FAM186B: variants seen among roughly 807,000 people sequenced by gnomAD.
The protein encoded by FAM186B is protein FAM186B.
A neutral mutation model predicts 83.4 loss-of-function variants in FAM186B; 68 were observed. The ratio of observed to expected loss-of-function variants is 0.81; its 90% CI spans 0.67 to 1.00. The LOEUF is 1.00. FAM186B is among the 50% of genes least tolerant of loss of function. FAM186B has a pLI of 0.00. For synonymous variants in FAM186B, 389 were observed against 422.0 expected (o/e 0.92, Z 0.96); for missense variants, 983 against 1,099.2 (o/e 0.89, Z 1.49).
chr12:49,609,739 C>G (rs1322835341), upstream of FAM186B, among the ~76,000 whole-genome samples: 1 of 152,186 alleles, frequency 6.6e-6, no homozygotes, highest in Non-Finnish European at 1.5e-5. Context: ...ACTAGCAACA[C>G]CTCTGGGCAC....
chr12:49,599,530 C>A lies in FAM186B; in HGVS notation c.2110G>T (p.Ala704Ser). The A allele has an allele frequency of 6.2e-7, 1 of 1,600,406 alleles. No homozygotes were observed. Among genetic ancestry groups the A allele is most frequent in the Non-Finnish European group, 8.5e-7 (1 of 1,174,472 alleles). The stretch of plus-strand genomic sequence containing the variant: ...TGGCACAGGTACTGCAGCCTGAGCG[C>A]GCCCAGCTCCATGGTGGTGGTGGTG... ...ELTTTTMELG[A>S]LRLQYLCHKY... Residue 704 changes from alanine (A) to serine (S), a missense_variant, in exon 4 of 7, where the codon GCG becomes TCG. By Grantham distance (99) the Ala-to-Ser change is moderately conservative. Transcript: ENST00000257894.
chr12:49,597,999 G>A (rs1262743783), intron 5 of FAM186B, among the ~76,000 whole-genome samples: 1 of 152,232 alleles, frequency 6.6e-6, no homozygotes, highest in East Asian at 1.9e-4. Context: ...GGTGGAGGTT[G>A]TAGTGAGCCA....
At chr12:49,618,200 C>T in the FAM186B span, among the ~76,000 whole-genome samples, 1 of 152,082 alleles carries the variant, frequency 6.6e-6, no homozygotes, top group African/African-American at 2.4e-5. Context: ...CAAAAATTAG[C>T]CGGGCGTGTT....
At chr12:49,612,972 C>T in the FAM186B span, among the ~76,000 whole-genome samples, 3 of 152,150 alleles carry the variant, frequency 2.0e-5, no homozygotes, top group African/African-American at 7.2e-5. Context: ...CAAGATCAAC[C>T]ACATGCTTGG....
chr12:49,585,720 G>T (rs1337059321), downstream of FAM186B, among the ~76,000 whole-genome samples: 1 of 152,216 alleles, frequency 6.6e-6, no homozygotes, highest in Non-Finnish European at 1.5e-5. Context: ...GCATGGCCAG[G>T]GGAGCCGGTG....
intron 5 of FAM186B, 107 bp downstream of exon 5, chr12:49,598,648 C>T: frequency 1.0e-6 from 1 of 987,926 alleles, no homozygotes; most frequent in Non-Finnish European, 1.5e-6. Flanking sequence ...TGCCCCTGGT[C>T]CCGCAGTCTC....
chr12:49,610,059 C>T (rs1940068697), upstream of FAM186B, among the ~76,000 whole-genome samples: 2 of 151,296 alleles, frequency 1.3e-5, no homozygotes, highest in South Asian at 4.2e-4. Flanking sequence ...GTATACAAGG[C>T]TATAGAAGCA....
At position 49,600,158 on chromosome 12, in the gene FAM186B, C is replaced by T. The variant is rs370586607; in HGVS notation, c.1482G>A (p.Leu494=). 7 of 1,613,748 alleles carry T rather than the reference C, an allele frequency of 4.3e-6. No individual in the cohort carries two copies. Among genetic ancestry groups the T allele is most frequent in the African/African-American group, 4.0e-5 (3 of 74,932 alleles). Residue 494 remains leucine (L), a synonymous_variant, in exon 4 of 7, where the codon CTG becomes CTA. Coordinates refer to ENST00000257894, the MANE Select transcript of FAM186B (RefSeq NM_032130.3). The surrounding 1 kb of genome is among the most constrained non-coding windows in gnomAD (Gnocchi z 4.3). The part of the protein sequence containing the change: ...FGREMRRQLW[L]EEEEMWQQRQ... Reference sequence around the variant, plus strand: ...GCTGCTGCCACATCTCCTCCTCCTCCAGCCACAGCTGCCTCCGCATCTCCC... The same window carrying T: ...GCTGCTGCCACATCTCCTCCTCCTCTAGCCACAGCTGCCTCCGCATCTCCC...
chr12:49,609,144 G>C (rs372533272), upstream of FAM186B, among the ~76,000 whole-genome samples: 2 of 152,146 alleles, frequency 1.3e-5, no homozygotes, highest in Admixed American at 6.5e-5. Flanking sequence ...GGTGGGAAAG[G>C]GACTGCTACA....
At chr12:49,584,706 G>A (rs1250583808), downstream of FAM186B, 2 of 690,604 alleles carry the variant, frequency 2.9e-6, no homozygotes, top group African/African-American at 3.5e-5. Flanking sequence ...ACTTCCCAGA[G>A]CCAAGTCCAG....
chr12:49,613,977 C>T, the FAM186B span, among the ~76,000 whole-genome samples: 6 of 151,818 alleles, frequency 4.0e-5, no homozygotes, highest in Admixed American at 2.6e-4. Flanking sequence ...GGTGAAACCC[C>T]GTCTCTACTA....
chr12:49,591,283 C>T (rs1939575446), intron 5 of FAM186B, among the ~76,000 whole-genome samples: 1 of 152,120 alleles, frequency 6.6e-6, no homozygotes. Context: ...CAGAGGGGTC[C>T]CGTTAAGTCT....
chr12:49,583,016 C>T (rs1455971988), downstream of FAM186B: 2 of 456,070 alleles, frequency 4.4e-6, no homozygotes, highest in Admixed American at 4.7e-5. Flanking sequence ...TGCATGCTTG[C>T]CAGAGAGCTC....
At chr12:49,605,715 T>G (rs1592558123), upstream of FAM186B, 1 of 432,910 alleles carries the variant, frequency 2.3e-6, no homozygotes, top group Non-Finnish European at 4.1e-6. Context: ...ATCTAGCTTT[T>G]TGTCCATTAC....
rs1331641571 is a variant in FAM186B, at chr12:49,598,900, G to A, written c.2219C>T (p.Ser740Phe). ...HVQIMKETEA[S>F]YKAQNLYIFL... is the part of the protein sequence containing the mutation. ...GATGTAGAGGTTCTGGGCCTTGTAG[G>A]AAGCCTCCGTTTCTTTCATGATTTG... The change falls in exon 5 of 7, where the codon TCC becomes TTC. Residue 740 changes from serine (S) to phenylalanine (F), a missense_variant. Physicochemically the swap from Ser to Phe is radical, Grantham distance 155. Transcript: ENST00000257894. 21 of 1,613,716 alleles carry A rather than the reference G, an allele frequency of 1.3e-5. No homozygotes were observed. The highest frequency in any genetic ancestry group is 1.8e-5 in the Non-Finnish European group (21 of 1,179,954).
chr12:49,600,565 G>A lies in FAM186B; in HGVS notation c.1075C>T (p.Gln359Ter). 6.2e-7 allele frequency: 1 copy of A among 1,613,508 alleles called. No homozygotes were observed. Among genetic ancestry groups the A allele is most frequent in the Non-Finnish European group, 8.5e-7 (1 of 1,179,758 alleles). Residue 359 changes from glutamine to a stop codon, truncating the protein, a stop_gained, in exon 4 of 7, where the codon CAG becomes TAG. Transcript: ENST00000257894. LOFTEE classifies it high-confidence loss of function. The surrounding 1 kb of genome is among the most constrained non-coding windows in gnomAD (Gnocchi z 4.3). ...RKETVMEESQ[Q>*]EPMKEEQLFS... ...AACTGCTCCTCCTTCATCGGTTCCT[G>A]TTGGCTTTCCTCCATGACTGTTTCT...
chr12:49,603,203 G>T lies in FAM186B; in HGVS notation c.487C>A (p.Gln163Lys), dbSNP rs201129953. Residue 163 changes from glutamine (Q) to lysine (K), a missense_variant, in exon 3 of 7, where the codon CAA becomes AAA. Coordinates refer to ENST00000257894, the MANE Select transcript of FAM186B (RefSeq NM_032130.3). ...AACCTACCTTGTGACCTTTTCTTTT[G>T]TCCTTCAATGAGAGTGGAGCAAAGG... ...TALCSTLIEG[Q>K]KKRSQVSKRT... The T allele has an allele frequency of 6.2e-7, 1 of 1,614,156 alleles. No individual in the cohort carries two copies. The highest frequency in any genetic ancestry group is 1.3e-5 in the African/African-American group (1 of 75,024).
At chr12:49,619,683 T>C in the FAM186B span, 2 of 462,406 alleles carry the variant, frequency 4.3e-6, no homozygotes, top group Non-Finnish European at 7.9e-6. Context: ...TTTTTTTTTT[T>C]TTTTTTTTTT....
the FAM186B span, among the ~76,000 whole-genome samples, chr12:49,615,128 CA>C: frequency 8.0e-5 from 11 of 138,054 alleles, no homozygotes; most frequent in Non-Finnish European, 1.1e-4. Context: ...GACTCCGTCT[CA>C]AAAAAAAAAA....
Sources: gnomAD v4.1 joint callset for allele counts (sites outside exome capture counted in the v4.1 genomes callset) on GRCh38, gnomAD v4.1.1 for gene constraint, Gnocchi (gnomAD v3.1) non-coding constraint, MANE v1.5 for transcripts, NCBI Gene and HGNC (gene_info 2026-07-23, HGNC 2026-07-21) for gene names.